The following LRTM1 variants were observed in gnomAD, a reference collection of about 807,000 sequenced individuals.
The protein encoded by LRTM1 is leucine-rich repeat and transmembrane domain-containing protein 1.
Under a neutral mutation model 32.4 loss-of-function variants are expected in LRTM1, and 38 were observed. The ratio of observed to expected loss-of-function variants is 1.17; its 90% CI spans 0.91 to 1.54. The LOEUF is 1.54. Among genes scored for constraint, LRTM1 ranks in the 40% most tolerant of loss-of-function variants. The pLI, the probability that LRTM1 is intolerant of heterozygous loss-of-function variation, is 0.00. For synonymous variants in LRTM1, 186 were observed against 169.9 expected (o/e 1.09, Z -0.74); for missense variants, 466 against 415.4 (o/e 1.12, Z -1.06).
At chr3:54,961,833 C>A (rs991106364) in intron 1 of LRTM1, among the ~76,000 whole-genome samples, 1 of 152,004 alleles carries the variant, frequency 6.6e-6, no homozygotes, top group Non-Finnish European at 1.5e-5. Context: ...GTGGTAGAAG[C>A]CGGGTAATTT....
chr3:54,920,427 G>A (rs567296953), intron 2 of LRTM1, among the ~76,000 whole-genome samples: 54 of 152,186 alleles, frequency 3.5e-4, no homozygotes, highest in Non-Finnish European at 6.5e-4. Context: ...GAGTGTCTTG[G>A]GTTCCTCCTG....
At position 54,924,981 on chromosome 3, in the gene LRTM1, A is replaced by G; in HGVS notation, c.242T>C (p.Leu81Ser). The G allele has an allele frequency of 2.5e-6, 4 of 1,611,660 alleles. No individual in the cohort carries two copies. The highest frequency in any genetic ancestry group is 3.4e-6 in the Non-Finnish European group (4 of 1,177,792). The change falls in exon 2 of 3, where the codon TTG (leucine) becomes TCG (serine). Residue 81 changes from leucine (L) to serine (S), a missense_variant. Leu to Ser is a moderately radical substitution (Grantham distance 145). Transcript: ENST00000273286. ...CAGATTTGAAAGGGAATTGTTGGAC[A>G]AGTTTAAGGTCATGAGCCATGGCAC... ...RSVPWLMTLN[L>S]SNNSLSNLAP...
At chr3:54,936,326 ACAG>A in intron 1 of LRTM1, among the ~76,000 whole-genome samples, 1 of 152,148 alleles carries the variant, frequency 6.6e-6, no homozygotes, top group East Asian at 1.9e-4. Flanking sequence ...CTGCCCGTGG[ACAG>A]AGCTCCCCAT....
chr3:54,951,380 A>G (rs1191704898), intron 1 of LRTM1, among the ~76,000 whole-genome samples: 1 of 152,234 alleles, frequency 6.6e-6, no homozygotes, highest in Non-Finnish European at 1.5e-5. Flanking sequence ...CATGTGCAAG[A>G]CATACTTTGT....
At chr3:54,934,799 G>A (rs1438033193) in intron 1 of LRTM1, among the ~76,000 whole-genome samples, 3 of 152,038 alleles carry the variant, frequency 2.0e-5, no homozygotes, top group East Asian at 3.9e-4. Context: ...TGGCGCTATC[G>A]TAGCTCACTG....
chr3:54,963,593 G>A (rs1559646955), intron 1 of LRTM1, among the ~76,000 whole-genome samples: 1 of 152,190 alleles, frequency 6.6e-6, no homozygotes, highest in Admixed American at 6.5e-5. Context: ...GAGCATTCAA[G>A]GTCAGCTGCC....
chr3:54,952,691 T>C (rs889066550), intron 1 of LRTM1, among the ~76,000 whole-genome samples: 3 of 152,216 alleles, frequency 2.0e-5, no homozygotes, highest in African/African-American at 7.2e-5. Flanking sequence ...GTTCAAATTC[T>C]GGTGCCCGCA....
intron 1 of LRTM1, among the ~76,000 whole-genome samples, chr3:54,956,481 A>G (rs1020338452): frequency 4.6e-5 from 7 of 152,182 alleles, no homozygotes; most frequent in African/African-American, 1.2e-4. Context: ...CCTAACTTGC[A>G]TGGGCCACAT....
intron 1 of LRTM1, among the ~76,000 whole-genome samples, chr3:54,966,773 C>G (rs1480972608): frequency 6.6e-6 from 1 of 152,130 alleles, no homozygotes; most frequent in African/African-American, 2.4e-5. Context: ...GAGCTGAGAT[C>G]ACACCACTGC....
intron 1 of LRTM1, among the ~76,000 whole-genome samples, chr3:54,963,850 G>A (rs764302183): frequency 2.6e-5 from 4 of 152,198 alleles, no homozygotes; most frequent in Non-Finnish European, 4.4e-5. Context: ...AAGGAATGGA[G>A]GAAGGGAGGG....
chr3:54,921,465 A>G (rs2106931381), intron 2 of LRTM1, among the ~76,000 whole-genome samples: 1 of 152,250 alleles, frequency 6.6e-6, no homozygotes, highest in East Asian at 1.9e-4. Context: ...TAATCATACA[A>G]TCTGTGTGCA....
intron 1 of LRTM1, among the ~76,000 whole-genome samples, chr3:54,927,490 C>T (rs1406326477): frequency 6.6e-6 from 1 of 152,164 alleles, no homozygotes; most frequent in Non-Finnish European, 1.5e-5. Context: ...TAATTAGTTG[C>T]AGGAAATTAA....
At chr3:54,952,517 AC>A (rs1701783123) in intron 1 of LRTM1, among the ~76,000 whole-genome samples, 2 of 152,222 alleles carry the variant, frequency 1.3e-5, no homozygotes, top group Non-Finnish European at 2.9e-5. Context: ...ATGTGGACTT[AC>A]CAATCTCATA....
At chr3:54,954,136 AT>A (rs1701824565) in intron 1 of LRTM1, among the ~76,000 whole-genome samples, 1 of 152,152 alleles carries the variant, frequency 6.6e-6, no homozygotes, top group South Asian at 2.1e-4. Flanking sequence ...TTATTTAATC[AT>A]GTCATCATGC....
At chr3:54,945,990 G>A (rs144507600) in intron 1 of LRTM1, among the ~76,000 whole-genome samples, 59 of 152,210 alleles carry the variant, frequency 3.9e-4, no homozygotes, top group Admixed American at 2.4e-3. Flanking sequence ...ACGCTTATTC[G>A]CCTAGCTCTT....
intron 1 of LRTM1, among the ~76,000 whole-genome samples, chr3:54,943,463 A>T (rs1913914): frequency 0.14 from 21,291 of 152,152 alleles, 1,550 homozygotes; most frequent in African/African-American, 0.17. Flanking sequence ...CACCAACATG[A>T]CTGTATGCCC....
At position 54,960,712 on chromosome 3, in the gene LRTM1, C is replaced by T. The variant is rs551438990; in HGVS notation, c.-222+6216G>A. Among the ~76,000 whole-genome samples, 15 of 152,284 alleles carry T rather than the reference C, an allele frequency of 9.9e-5. No individual in the cohort carries two copies. The South Asian group carries it at 2.1e-3, about 21-fold the overall frequency. On this transcript the variant is annotated intron_variant, in intron 1 of 2. Transcript: ENST00000493075. ...TTCCCTTCCTTCCCCCTCATCTTCCCGAGGATACTCTGTTCTCAGTTTTGC... is the reference window on the plus strand; with the variant it reads ...TTCCCTTCCTTCCCCCTCATCTTCCTGAGGATACTCTGTTCTCAGTTTTGC...
intron 1 of LRTM1, among the ~76,000 whole-genome samples, chr3:54,956,602 A>C (rs190620317): frequency 1.4e-3 from 213 of 152,142 alleles, no homozygotes; most frequent in African/African-American, 5.0e-3. Context: ...GCTGTCATAA[A>C]TTCCTGCTCA....
At chr3:54,952,489 G>A (rs145454139) in intron 1 of LRTM1, among the ~76,000 whole-genome samples, 1 of 152,116 alleles carries the variant, frequency 6.6e-6, no homozygotes, top group African/African-American at 2.4e-5. Flanking sequence ...AAAACATGAG[G>A]CAAAAACTTG....
Sources: allele counts gnomAD v4.1 joint callset (sites outside exome capture counted in the v4.1 genomes callset), GRCh38; gene constraint gnomAD v4.1.1; transcripts MANE v1.5; gene names NCBI Gene and HGNC (gene_info 2026-07-23, HGNC 2026-07-21).